ZNF567: variants seen among roughly 807,000 people sequenced by gnomAD.
ZNF567 encodes the protein zinc finger protein 567.
In ZNF567, 36 loss-of-function variants were observed where a neutral mutation model predicts 53.9. The ratio of observed to expected loss-of-function variants is 0.67; its 90% CI spans 0.51 to 0.88. ZNF567 has a LOEUF of 0.88. Among genes scored for constraint, ZNF567 ranks in the 40% least tolerant of loss-of-function variants. The probability of loss-of-function intolerance (pLI) is 0.00; values close to 1 mark genes in which losing one functional copy is unlikely to be tolerated. For missense variants in ZNF567, 619 were observed against 764.7 expected (o/e 0.81, Z 2.25); for synonymous variants, 224 against 260.4 (o/e 0.86, Z 1.35).
chr19:36,674,468 A>C, the ZNF567 span, among the ~76,000 whole-genome samples: 3 of 152,142 alleles, frequency 2.0e-5, no homozygotes, highest in Non-Finnish European at 4.4e-5. Flanking sequence ...TACAGATTAG[A>C]GTCTGTTGAT....
At chr19:36,683,224 C>A (rs1251220071), upstream of ZNF567, among the ~76,000 whole-genome samples, 1 of 151,952 alleles carries the variant, frequency 6.6e-6, no homozygotes, top group African/African-American at 2.4e-5. Context: ...AGGTGCACCA[C>A]CACACCCAGC....
the ZNF567 span, among the ~76,000 whole-genome samples, chr19:36,676,084 T>TTTTTTTTTTTTTTTTTTTTTTTA: frequency 8.0e-6 from 1 of 124,806 alleles, no homozygotes; most frequent in Non-Finnish European, 1.6e-5. Context: ...TTTTTTTTTT[T>TTTTTTTTTTTTTTTTTTTTTTTA]GAGACAGAGT....
intron 3 of ZNF567, among the ~76,000 whole-genome samples, chr19:36,706,827 T>A (rs1420305817): frequency 2.0e-5 from 3 of 151,768 alleles, no homozygotes; most frequent in Non-Finnish European, 2.9e-5. Flanking sequence ...GGCTAATTTT[T>A]AAATTTTTTA....
Position 36,721,157 on chromosome 19 carries a change from TCTTG to T in ZNF567, c.*493_*496del, listed in dbSNP as rs2040289673. 4 of 152,236 alleles carry T rather than the reference TCTTG, an allele frequency of 2.6e-5. No homozygotes were observed. In the South Asian group the frequency reaches 8.3e-4, roughly 32 times the overall value. 9.4% of individuals were successfully genotyped at this position (152,236 alleles called of 1,614,324 possible). A position where few individuals can be genotyped will look rare whatever the true frequency, so the allele number is the denominator to read the frequency against. ...ATCAGACATCATGAATTATTTTGTG[TCTTG>T]CTTATTTCACTCAATTTTTTAAGAT... On this transcript the variant is annotated 3_prime_UTR_variant, in exon 6 of 6. Transcript: ENST00000682579.
At chr19:36,714,200 A>C (rs3108212) in intron 5 of ZNF567, among the ~76,000 whole-genome samples, 118,999 of 151,942 alleles carry the variant, frequency 0.78, 46,718 homozygotes, top group African/African-American at 0.83. Context: ...CTTACTCTGT[A>C]GCCCAGGCTG....
At position 36,720,512 on chromosome 19, in the gene ZNF567, G is replaced by C. The variant is rs138820153; in HGVS notation, c.1788G>C (p.Lys596Asn). 1.3e-5 allele frequency: 21 copies of C among 1,613,882 alleles called. No individual in the cohort carries two copies. The highest frequency in any genetic ancestry group is 1.8e-5 in the Non-Finnish European group (21 of 1,179,964). The change falls in exon 6 of 6, where the codon AAG becomes AAC. Residue 596 changes from lysine (K) to asparagine (N), a missense_variant. Physicochemically the swap from Lys to Asn is moderately conservative, Grantham distance 94 (BLOSUM62 0). Transcript: ENST00000682579. ...CATATAAATGTAGTGAATGTGGAAAGTGCTTCCGCCAGAAGACAAATCTTA... is the reference window on the plus strand; with the variant it reads ...CATATAAATGTAGTGAATGTGGAAACTGCTTCCGCCAGAAGACAAATCTTA... ...EKPYKCSECG[K>N]CFRQKTNLIV...
At chr19:36,708,240 T>A (rs927663460) in intron 3 of ZNF567, among the ~76,000 whole-genome samples, 1 of 152,232 alleles carries the variant, frequency 6.6e-6, no homozygotes, top group African/African-American at 2.4e-5. Context: ...TCTGTTTCTT[T>A]TGATCATTTT....
intron 5 of ZNF567, among the ~76,000 whole-genome samples, chr19:36,718,058 A>C (rs1299832658): frequency 6.6e-6 from 1 of 152,214 alleles, no homozygotes; most frequent in East Asian, 1.9e-4. Flanking sequence ...AATAATACAT[A>C]ATTATGTAGA....
At chr19:36,715,462 C>T (rs931915456) in intron 5 of ZNF567, among the ~76,000 whole-genome samples, 3 of 142,598 alleles carry the variant, frequency 2.1e-5, no homozygotes, top group Non-Finnish European at 3.0e-5. Context: ...TGCCTGGCCT[C>T]CCATTATTTA....
chr19:36,695,009 T>G, intron 3 of ZNF567, 133 bp downstream of exon 3: 2 of 982,802 alleles, frequency 2.0e-6, no homozygotes, highest in Non-Finnish European at 2.9e-6. Context: ...CCTCACTTCT[T>G]CCCATATTGG....
chr19:36,706,970 TATTTAC>T (rs1376822288), intron 3 of ZNF567, among the ~76,000 whole-genome samples: 2 of 152,166 alleles, frequency 1.3e-5, no homozygotes, highest in Admixed American at 6.5e-5. Context: ...TTTATACTTT[TATTTAC>T]CTATGTTTTA....
At position 36,719,651 on chromosome 19, in the gene ZNF567, T is replaced by C. The variant is rs745664491; in HGVS notation, c.927T>C (p.Phe309=). Residue 309 remains phenylalanine, a synonymous_variant, in exon 6 of 6, where the codon TTT becomes TTC. Coordinates refer to ENST00000682579, the MANE Select transcript of ZNF567 (RefSeq NM_001322917.1). ...GAACTCACACAGGAGAGAAACCCTT[T>C]GTTTGCAATGAATGTGGTAAGTCCT... ...HQRTHTGEKP[F]VCNECGKSFR... 2.5e-6 allele frequency: 4 copies of C among 1,613,866 alleles called. No individual in the cohort carries two copies. Among genetic ancestry groups the C allele is most frequent in the Non-Finnish European group, 3.4e-6 (4 of 1,179,920 alleles).
the ZNF567 span, among the ~76,000 whole-genome samples, chr19:36,675,628 G>C: frequency 6.6e-6 from 1 of 152,066 alleles, no homozygotes; most frequent in East Asian, 1.9e-4. Flanking sequence ...AGCCGAGATT[G>C]CACCACTTCA....
At chr19:36,676,055 CTTTTTTTTTTTTTTT>C in the ZNF567 span, among the ~76,000 whole-genome samples, 1 of 60,598 alleles carries the variant, frequency 1.7e-5, no homozygotes, top group African/African-American at 7.5e-5. Flanking sequence ...TATTCTACAC[CTTTTTTTTTTTTTTT>C]TTTTTTTTTT....
upstream of ZNF567, chr19:36,686,616 T>C (rs757797755): frequency 6.6e-6 from 1 of 152,160 alleles, no homozygotes; most frequent in Non-Finnish European, 1.5e-5. Flanking sequence ...GGAGAGCCTC[T>C]GAGGAAGGAA....
the ZNF567 span, among the ~76,000 whole-genome samples, chr19:36,677,256 G>A: frequency 2.7e-5 from 4 of 148,538 alleles, no homozygotes; most frequent in Non-Finnish European, 4.4e-5. Flanking sequence ...TCAGGAGTTC[G>A]AGACTAGCCT....
intron 5 of ZNF567, among the ~76,000 whole-genome samples, chr19:36,718,360 G>C (rs943736567): frequency 6.6e-6 from 1 of 152,088 alleles, no homozygotes; most frequent in Non-Finnish European, 1.5e-5. Context: ...TTAGCTAGGC[G>C]TGGTGGCACA....
chr19:36,672,081 A>G, the ZNF567 span, among the ~76,000 whole-genome samples: 3 of 152,200 alleles, frequency 2.0e-5, no homozygotes, highest in Middle Eastern at 3.2e-3. Context: ...TGCATGATAG[A>G]CAGATACCAC....
In ZNF567 at chr19:36,697,343, ACT is replaced by A. The variant is rs760871860; in HGVS notation, c.9+2472_9+2473del. Among the ~76,000 whole-genome samples the A allele has an allele frequency of 8.0e-5, 12 of 150,256 alleles. No homozygotes were observed. In the South Asian group the frequency reaches 1.5e-3, roughly 18 times the overall value. ...TTATCTTGACCTGCAACCTTTCAAA[ACT>A]CTCTTATTCTAGTAATTTTTTTTTT... On this transcript the variant is annotated intron_variant, in intron 3 of 5. Transcript: ENST00000682579.
Sources: gnomAD v4.1 joint callset for allele counts (sites outside exome capture counted in the v4.1 genomes callset) on GRCh38, gnomAD v4.1.1 for gene constraint, MANE v1.5 for transcripts, NCBI Gene and HGNC (gene_info 2026-07-23, HGNC 2026-07-21) for gene names.